The following TCERG1L variants were observed in gnomAD, a reference collection of about 807,000 sequenced individuals.
The protein encoded by TCERG1L is transcription elongation regulator 1-like protein.
A neutral mutation model predicts 56.3 loss-of-function variants in TCERG1L; 37 were observed. That is an observed-to-expected ratio of 0.66 (90% CI 0.51 to 0.87). The LOEUF is 0.87. Ranked by LOEUF, TCERG1L falls within the 40% of genes least tolerant of loss-of-function variation. The probability of loss-of-function intolerance (pLI) is 0.00; values close to 1 mark genes in which losing one functional copy is unlikely to be tolerated. For synonymous variants in TCERG1L, 324 were observed against 326.3 expected (o/e 0.99, Z 0.08); for missense variants, 799 against 774.2 (o/e 1.03, Z -0.38).
chr10:131,297,394 T>A (rs1406941789), intron 3 of TCERG1L, among the ~76,000 whole-genome samples: 1 of 152,200 alleles, frequency 6.6e-6, no homozygotes, highest in Non-Finnish European at 1.5e-5. Flanking sequence ...TGAACAAGCA[T>A]TGGATTTCAA....
rs554759741 is a variant in TCERG1L, at chr10:131,173,071, A to G, written c.857-6186T>C. Among the ~76,000 whole-genome samples, 1,418 of 151,948 alleles carry G rather than the reference A, an allele frequency of 9.3e-3. 15 individuals carry two copies. The highest frequency in any genetic ancestry group is 0.031 in the Middle Eastern group (9 of 294). Reference sequence around the variant, plus strand: ...ACGCCCAGCTAATTTTTGTATTTTTAGTAGAGATGGGGTTTCACCATGTTG... The same window carrying G: ...ACGCCCAGCTAATTTTTGTATTTTTGGTAGAGATGGGGTTTCACCATGTTG... On this transcript the variant is annotated intron_variant, in intron 4 of 11. Transcript: ENST00000368642.
chr10:131,116,211 G>A (rs1011337926), intron 9 of TCERG1L, among the ~76,000 whole-genome samples: 4 of 152,174 alleles, frequency 2.6e-5, no homozygotes, highest in Admixed American at 6.5e-5. Flanking sequence ...AAGTCAAAGT[G>A]AGATTTGGAA....
At chr10:131,125,897 G>GCCCAGTGCA (rs1156374546) in intron 8 of TCERG1L, among the ~76,000 whole-genome samples, 2 of 152,226 alleles carry the variant, frequency 1.3e-5, no homozygotes, top group East Asian at 3.8e-4. Context: ...AGATGACACT[G>GCCCAGTGCA]CCCAGTGCAC....
intron 3 of TCERG1L, among the ~76,000 whole-genome samples, chr10:131,265,809 GC>G (rs1449701981): frequency 6.6e-6 from 1 of 152,254 alleles, no homozygotes; most frequent in African/African-American, 2.4e-5. Context: ...GGAGGGTCTT[GC>G]CTCGATGTTG....
At chr10:131,138,928 A>T (rs546063065) in intron 7 of TCERG1L, among the ~76,000 whole-genome samples, 2 of 152,368 alleles carry the variant, frequency 1.3e-5, no homozygotes, top group African/African-American at 4.8e-5. Flanking sequence ...ATATTATAAT[A>T]ATATTGTAGC....
At chr10:131,300,472 T>G (rs1052260848) in intron 3 of TCERG1L, among the ~76,000 whole-genome samples, 1 of 152,210 alleles carries the variant, frequency 6.6e-6, no homozygotes, top group African/African-American at 2.4e-5. Context: ...CTAATTTCAC[T>G]AATTCTTGGC....
At chr10:131,132,032 A>G (rs1564797961) in intron 8 of TCERG1L, among the ~76,000 whole-genome samples, 3 of 152,216 alleles carry the variant, frequency 2.0e-5, no homozygotes, top group African/African-American at 7.2e-5. Context: ...GTTGATGCTG[A>G]TGGTTCACCT....
intron 6 of TCERG1L, chr10:131,161,371 T>C (rs976032073): frequency 6.6e-6 from 1 of 152,236 alleles, no homozygotes; most frequent in Non-Finnish European, 1.5e-5. Flanking sequence ...CGGATGCCAC[T>C]GCCTAAGGAT....
chr10:131,123,215 T>A (rs1487822711), intron 8 of TCERG1L, among the ~76,000 whole-genome samples: 1 of 152,212 alleles, frequency 6.6e-6, no homozygotes, highest in Admixed American at 6.5e-5. Flanking sequence ...CAGGCTCACA[T>A]TCTAGAGGCA....
intron 6 of TCERG1L, chr10:131,156,027 A>C (rs887481583): frequency 6.6e-6 from 1 of 152,240 alleles, no homozygotes; most frequent in Non-Finnish European, 1.5e-5. Context: ...TACTCAAAGA[A>C]GACCGATGCG....
intron 4 of TCERG1L, among the ~76,000 whole-genome samples, chr10:131,168,967 G>A (rs1009279220): frequency 7.2e-5 from 11 of 152,200 alleles, no homozygotes; most frequent in African/African-American, 2.4e-4. Context: ...GGGACTATCG[G>A]CTTTTCACTG....
intron 3 of TCERG1L, among the ~76,000 whole-genome samples, chr10:131,269,047 C>T (rs1846311780): frequency 6.6e-6 from 1 of 152,206 alleles, no homozygotes; most frequent in African/African-American, 2.4e-5. Flanking sequence ...TAGTTTTCAG[C>T]CTATAATAGC....
At chr10:131,241,423 G>A (rs1845970587) in intron 4 of TCERG1L, among the ~76,000 whole-genome samples, 1 of 152,210 alleles carries the variant, frequency 6.6e-6, no homozygotes, top group Non-Finnish European at 1.5e-5. Flanking sequence ...GGCAGAGGAG[G>A]AGGAAGCACC....
intron 4 of TCERG1L, among the ~76,000 whole-genome samples, chr10:131,244,818 C>T (rs1238518361): frequency 1.3e-5 from 2 of 152,156 alleles, no homozygotes; most frequent in Non-Finnish European, 2.9e-5. Flanking sequence ...AGGTGTCCCC[C>T]AGGGAGAGAA....
At chr10:131,226,749 C>T (rs1845794374) in intron 4 of TCERG1L, among the ~76,000 whole-genome samples, 1 of 152,258 alleles carries the variant, frequency 6.6e-6, no homozygotes, top group Non-Finnish European at 1.5e-5. Flanking sequence ...AGTGTAAACG[C>T]CCAACCAACA....
intron 10 of TCERG1L, among the ~76,000 whole-genome samples, chr10:131,101,440 C>A (rs575954404): frequency 1.1e-3 from 173 of 152,370 alleles, no homozygotes; most frequent in Non-Finnish European, 1.6e-3. Context: ...TTTAAAGGGA[C>A]TAACGGCCTC....
In TCERG1L at chr10:131,113,936, T is replaced by C. The variant is rs1845431274; in HGVS notation, c.1395+2863A>G. ...CCTGCTGTTCAATTAAACTTGCTCC[T>C]GATGGACTAAAGTTTTAAAAGAAAG... On this transcript the variant is annotated intron_variant, in intron 9 of 11. Coordinates refer to ENST00000368642, the MANE Select transcript of TCERG1L (RefSeq NM_174937.4). Among the ~76,000 whole-genome samples, 2 of 142,552 alleles carry C rather than the reference T, an allele frequency of 1.4e-5. 1 individual carries two copies. 93.5% of individuals were successfully genotyped at this position (142,552 alleles called of 152,430 possible).
At chr10:131,300,333 G>A (rs1846747441) in intron 3 of TCERG1L, among the ~76,000 whole-genome samples, 1 of 151,834 alleles carries the variant, frequency 6.6e-6, no homozygotes, top group Admixed American at 6.6e-5. Flanking sequence ...TATCTTCTAC[G>A]TATTCTCTCC....
intron 6 of TCERG1L, among the ~76,000 whole-genome samples, chr10:131,154,425 C>T (rs1421619954): frequency 6.6e-6 from 1 of 152,222 alleles, no homozygotes; most frequent in South Asian, 2.1e-4. Flanking sequence ...CCATCTTTCA[C>T]CCCTGAATGC....
Sources: allele counts gnomAD v4.1 joint callset (sites outside exome capture counted in the v4.1 genomes callset), GRCh38; gene constraint gnomAD v4.1.1; transcripts MANE v1.5; gene names NCBI Gene and HGNC (gene_info 2026-07-23, HGNC 2026-07-21).